The following ZHX1 variants were observed in gnomAD, a reference collection of about 807,000 sequenced individuals.
ZHX1 encodes the protein zinc fingers and homeoboxes 1, also known as zinc fingers and homeoboxes protein 1.
ZHX1 carries 20 observed loss-of-function variants against 61.8 expected under a neutral mutation model. The ratio of observed to expected loss-of-function variants is 0.32; its 90% CI spans 0.23 to 0.47. The LOEUF (loss-of-function observed/expected upper bound fraction) is 0.47, where lower values mean the gene tolerates loss of function less well. ZHX1 is among the 20% of genes least tolerant of loss of function. The probability of loss-of-function intolerance (pLI) is 1.00; values close to 1 mark genes in which losing one functional copy is unlikely to be tolerated. For missense variants in ZHX1, 800 were observed against 1,034.8 expected (o/e 0.77, Z 3.11); for synonymous variants, 318 against 352.6 (o/e 0.90, Z 1.10).
chr8:123,258,522 T>C (rs996316661), intron 2 of ZHX1, among the ~76,000 whole-genome samples: 5 of 152,196 alleles, frequency 3.3e-5, no homozygotes, highest in Admixed American at 1.3e-4. Flanking sequence ...ACTTTGTATC[T>C]TCAACCTAAT....
Position 123,256,121 on chromosome 8 carries a change from A to T in ZHX1, c.-175T>A. Reference sequence around the variant, plus strand: ...ATCAAGTAAAGAGCTTATTGTTGGCAGATAAAATACTGCTGAATTTCTGAA... The same window carrying T: ...ATCAAGTAAAGAGCTTATTGTTGGCTGATAAAATACTGCTGAATTTCTGAA... On this transcript the variant is annotated 5_prime_UTR_variant, in exon 3 of 4. Transcript: ENST00000395571. The T allele has an allele frequency of 4.2e-6, 2 of 478,912 alleles. No homozygotes were observed. Among genetic ancestry groups the T allele is most frequent in the African/African-American group, 2.0e-5 (1 of 50,156 alleles). 29.7% of individuals were successfully genotyped at this position (478,912 alleles called of 1,614,324 possible). A position where few individuals can be genotyped will look rare whatever the true frequency, so the allele number is the denominator to read the frequency against.
chr8:123,253,371 T>A lies in ZHX1; in HGVS notation c.2576A>T (p.Glu859Val). Reference protein sequence around the residue: ...EEETDDSDTWEPPRHVKRKLS... With the variant: ...EEETDDSDTWVPPRHVKRKLS... The stretch of plus-strand genomic sequence containing the variant: ...CTTCCGTTTCACATGTCGTGGAGGT[T>A]CCCAAGTGTCACTATCATCTGTTTC... Residue 859 changes from glutamate (E) to valine (V), a missense_variant, in exon 3 of 4, where the codon GAA becomes GTA. Physicochemically the swap from Glu to Val is moderately radical, Grantham distance 121. Coordinates refer to ENST00000395571, the MANE Select transcript of ZHX1 (RefSeq NM_007222.5). 6.2e-7 allele frequency: 1 copy of A among 1,613,452 alleles called. No individual in the cohort carries two copies. The highest frequency in any genetic ancestry group is 8.5e-7 in the Non-Finnish European group (1 of 1,179,924).
At chr8:123,260,435 C>T (rs1826211334) in intron 2 of ZHX1, among the ~76,000 whole-genome samples, 1 of 150,790 alleles carries the variant, frequency 6.6e-6, no homozygotes, top group African/African-American at 2.4e-5. Context: ...CCCGTCTCTA[C>T]TAAAAATATA....
chr8:123,271,514 A>C (rs902750243), intron 1 of ZHX1, among the ~76,000 whole-genome samples: 4 of 152,194 alleles, frequency 2.6e-5, no homozygotes, highest in African/African-American at 9.6e-5. Context: ...AACACAAATA[A>C]AAGGGTTATT....
chr8:123,273,587 T>TA (rs1173617517), intron 1 of ZHX1, among the ~76,000 whole-genome samples: 1 of 152,076 alleles, frequency 6.6e-6, no homozygotes, highest in East Asian at 1.9e-4. Flanking sequence ...CGGGTGCGCA[T>TA]AGCCTTCCTT....
Position 123,249,662 on chromosome 8 carries a change from T to TA in ZHX1, c.*661dup, listed in dbSNP as rs1323491202. ...GAACAAGTAACAGTAGAAACAGTGG[T>TA]ATTCATGGATGTGTTTAATGAAGGA... On this transcript the variant is annotated 3_prime_UTR_variant, in exon 4 of 4. Transcript: ENST00000395571. The TA allele has an allele frequency of 3.3e-5, 5 of 152,104 alleles. No individual in the cohort carries two copies. The highest frequency in any genetic ancestry group is 5.9e-5 in the Non-Finnish European group (4 of 67,964). 9.4% of individuals were successfully genotyped at this position (152,104 alleles called of 1,614,324 possible).
upstream of ZHX1, among the ~76,000 whole-genome samples, chr8:123,274,828 G>A (rs1003002338): frequency 3.3e-5 from 5 of 152,262 alleles, no homozygotes; most frequent in African/African-American, 1.2e-4. Flanking sequence ...GATCGTGAGA[G>A]GTAAGCATGC....
At chr8:123,258,174 AG>A (rs1410807248) in intron 2 of ZHX1, among the ~76,000 whole-genome samples, 1 of 152,154 alleles carries the variant, frequency 6.6e-6, no homozygotes, top group East Asian at 1.9e-4. Context: ...TGTGGTAATG[AG>A]TGAGTTCTCG....
chr8:123,255,330 A>T lies in ZHX1; in HGVS notation c.617T>A (p.Val206Asp), dbSNP rs201786424. 259 of 1,613,980 alleles carry T rather than the reference A, an allele frequency of 1.6e-4. No individual in the cohort carries two copies. The highest frequency in any genetic ancestry group is 2.1e-4 in the Non-Finnish European group (243 of 1,180,034). ...GATTTCATTCTCTTTCTCTTCAGGA[A>T]CGTCCTCAACTGAGTTATGATGAAC... is the stretch of plus-strand genomic sequence containing the variant. ...IAVHHNSVED[V>D]PEEKENEIKP... is the part of the protein sequence containing the mutation. Residue 206 changes from valine to aspartate, a missense_variant, in exon 3 of 4, where the codon GTT (valine) becomes GAT (aspartate). Physicochemically the swap from Val to Asp is radical, Grantham distance 152. Coordinates refer to ENST00000395571, the MANE Select transcript of ZHX1 (RefSeq NM_007222.5).
chr8:123,252,257 C>T (rs1452246548), intron 3 of ZHX1, among the ~76,000 whole-genome samples: 1 of 152,132 alleles, frequency 6.6e-6, no homozygotes, highest in East Asian at 1.9e-4. Context: ...TACTTTTACC[C>T]CGGAACACTC....
At chr8:123,253,275 A>G (rs774560153) in intron 3 of ZHX1, 47 bp downstream of exon 3, 41 of 1,430,028 alleles carry the variant, frequency 2.9e-5, no homozygotes, top group Non-Finnish European at 3.8e-5. Flanking sequence ...TTCAAAATGT[A>G]TGTGGTTGAT....
intron 2 of ZHX1, among the ~76,000 whole-genome samples, chr8:123,263,467 T>C (rs1365732707): frequency 6.6e-6 from 1 of 152,164 alleles, no homozygotes; most frequent in Admixed American, 6.5e-5. Flanking sequence ...AGAAAGAGTA[T>C]CTACTTAGCT....
At position 123,254,341 on chromosome 8, in the gene ZHX1, T is replaced by C. The variant is rs750039063; in HGVS notation, c.1606A>G (p.Thr536Ala). 2 of 1,614,168 alleles carry C rather than the reference T, an allele frequency of 1.2e-6. No homozygotes were observed. Among genetic ancestry groups the C allele is most frequent in the East Asian group, 2.2e-5 (1 of 44,886 alleles). The change falls in exon 3 of 4, where the codon ACC becomes GCC. Residue 536 changes from threonine (T) to alanine (A), a missense_variant. Physicochemically the swap from Thr to Ala is moderately conservative, Grantham distance 58. Coordinates refer to ENST00000395571, the MANE Select transcript of ZHX1 (RefSeq NM_007222.5). This position sits in a 1 kb window ranked among gnomAD's most constrained non-coding sequence, Gnocchi z 4.1. ...TCACTGGAGTCTATAATAATGGTGG[T>C]AGAGGAATCATTGTTGAGATGTAAG... ...QCLHLNNDSS[T>A]TIIIDSSDET...
At chr8:123,261,075 C>T (rs913313830) in intron 2 of ZHX1, among the ~76,000 whole-genome samples, 7 of 152,196 alleles carry the variant, frequency 4.6e-5, no homozygotes, top group South Asian at 4.1e-4. Context: ...CATGATTTTG[C>T]TAACAAAAGT....
Position 123,253,679 on chromosome 8 carries a change from C to T in ZHX1, c.2268G>A (p.Pro756=), listed in dbSNP as rs149228659. The change falls in exon 3 of 4, where the codon CCG becomes CCA. Residue 756 remains proline (P), a synonymous_variant. Transcript: ENST00000395571. ...GRPKGRGRGR[P]RGRPRGSKRI... Reference sequence around the variant, plus strand: ...TTTTGCTTCCTCTAGGCCGCCCACGCGGTCTTCCTCTTCCCCGTCCTTTGG... The same window carrying T: ...TTTTGCTTCCTCTAGGCCGCCCACGTGGTCTTCCTCTTCCCCGTCCTTTGG... 66 of 1,614,234 alleles carry T rather than the reference C, an allele frequency of 4.1e-5. No homozygotes were observed. Among genetic ancestry groups the T allele is most frequent in the African/African-American group, 3.7e-4 (28 of 75,068 alleles).
upstream of ZHX1, among the ~76,000 whole-genome samples, chr8:123,274,720 C>G (rs928765934): frequency 6.6e-6 from 1 of 152,092 alleles, no homozygotes; most frequent in Non-Finnish European, 1.5e-5. Flanking sequence ...TGCCTGCGAC[C>G]GCTCCGCCCG....
intron 2 of ZHX1, among the ~76,000 whole-genome samples, chr8:123,260,718 G>T (rs184305492): frequency 2.0e-4 from 30 of 152,144 alleles, no homozygotes; most frequent in Admixed American, 2.0e-4. Context: ...CATGAAATTT[G>T]AAAACTCATC....
In ZHX1 at chr8:123,260,793, C is replaced by T. The variant is rs532039782; in HGVS notation, c.-225-4622G>A. Among the ~76,000 whole-genome samples the T allele has an allele frequency of 5.3e-5, 8 of 150,992 alleles. No homozygotes were observed. In the South Asian group the frequency reaches 8.4e-4, roughly 16 times the overall value. ...GCACTTTGGGAAGCTGGCAGGGGCGCGGTGCATCACTTGAGGTCAGGAGTT... is the reference window on the plus strand; with the variant it reads ...GCACTTTGGGAAGCTGGCAGGGGCGTGGTGCATCACTTGAGGTCAGGAGTT... On this transcript the variant is annotated intron_variant, in intron 2 of 3. Transcript: ENST00000395571.
rs574636236 is a variant in ZHX1, at chr8:123,266,686, G to A, written c.-226+587C>T. Among the ~76,000 whole-genome samples, 10 of 152,044 alleles carry A rather than the reference G, an allele frequency of 6.6e-5. 1 individual carries two copies. The South Asian group carries it at 2.1e-3, about 32-fold the overall frequency. On this transcript the variant is annotated intron_variant, in intron 2 of 3. Coordinates refer to ENST00000395571, the MANE Select transcript of ZHX1 (RefSeq NM_007222.5). Reference sequence around the variant, plus strand: ...CAGTGTCATAACAAGGTTTGAGAAAGGCACATTTCACACATAAGCATGAAA... The same window carrying A: ...CAGTGTCATAACAAGGTTTGAGAAAAGCACATTTCACACATAAGCATGAAA...
Sources: allele counts gnomAD v4.1 joint callset (sites outside exome capture counted in the v4.1 genomes callset), GRCh38; gene constraint gnomAD v4.1.1; non-coding constraint Gnocchi (gnomAD v3.1); transcripts MANE v1.5; gene names NCBI Gene and HGNC (gene_info 2026-07-23, HGNC 2026-07-21).